LTAP1: variants seen among roughly 807,000 people sequenced by gnomAD.
LTAP1 encodes lipid transport auxiliary protein 1, also known as HCV NS5A-transactivated protein 4.
chr1:154,217,533 GGTTT>G, the LTAP1 span, among the ~76,000 whole-genome samples: 1 of 151,806 alleles, frequency 6.6e-6, no homozygotes, highest in African/African-American at 2.4e-5. Context: ...CACTCAGCAT[GGTTT>G]TTTTGTTTTT....
the LTAP1 span, chr1:154,207,702 C>G: frequency 7.1e-7 from 1 of 1,408,344 alleles, no homozygotes; most frequent in Non-Finnish European, 9.7e-7. Context: ...TCAAAGAAAT[C>G]AGGGCTTATC....
chr1:154,211,808 CTAGTAAAAACTTCTTT>C, the LTAP1 span: 2 of 154,082 alleles, frequency 1.3e-5, no homozygotes, highest in African/African-American at 2.4e-5. Flanking sequence ...AAGAAAAATG[CTAGTAAAAACTTCTTT>C]TACTAGCTTG....
chr1:154,218,427 C>G, the LTAP1 span, among the ~76,000 whole-genome samples: 1 of 152,314 alleles, frequency 6.6e-6, no homozygotes, highest in Non-Finnish European at 1.5e-5. Context: ...TCATGATGTG[C>G]TAGAAACTAA....
chr1:154,213,825 G>A, the LTAP1 span: 8 of 1,264,050 alleles, frequency 6.3e-6, no homozygotes, highest in Admixed American at 7.7e-5. Context: ...ATACAAAGTG[G>A]GTTCATTACT....
chr1:154,212,509 T>G, the LTAP1 span: 14 of 1,613,978 alleles, frequency 8.7e-6, no homozygotes, highest in African/African-American at 1.3e-5. Flanking sequence ...TATCAATGAG[T>G]GCTTTGCGTA....
At chr1:154,217,473 G>A in the LTAP1 span, among the ~76,000 whole-genome samples, 1 of 152,068 alleles carries the variant, frequency 6.6e-6, no homozygotes, top group Non-Finnish European at 1.5e-5. Context: ...TATAAATGGG[G>A]TGGAAGCACA....
At chr1:154,211,850 TTTC>T in the LTAP1 span, 1 of 161,392 alleles carries the variant, frequency 6.2e-6, no homozygotes, top group African/African-American at 2.4e-5. Context: ...TTGCATCTGC[TTTC>T]TTTTCTTCTT....
At chr1:154,214,318 A>G in the LTAP1 span, 1 of 673,242 alleles carries the variant, frequency 1.5e-6, no homozygotes, top group Non-Finnish European at 2.6e-6. Flanking sequence ...GCAAGCTAAT[A>G]AATGGGCTCT....
the LTAP1 span, chr1:154,207,202 C>A: frequency 5.1e-6 from 2 of 389,514 alleles, no homozygotes; most frequent in East Asian, 5.0e-5. Context: ...AGAATAACAC[C>A]TGAATGCAAA....
At chr1:154,213,961 A>C in the LTAP1 span, 1 of 1,611,086 alleles carries the variant, frequency 6.2e-7, no homozygotes, top group Non-Finnish European at 8.5e-7. Flanking sequence ...TGAGGAAAAG[A>C]CTGGTGTTAG....
chr1:154,207,867 C>G, the LTAP1 span, among the ~76,000 whole-genome samples: 3 of 151,870 alleles, frequency 2.0e-5, no homozygotes, highest in Admixed American at 1.3e-4. Context: ...TTGGGAGGCC[C>G]AGGCAGGTGG....
the LTAP1 span, chr1:154,214,482 T>C: frequency 6.2e-7 from 1 of 1,613,584 alleles, no homozygotes; most frequent in South Asian, 1.1e-5. Flanking sequence ...TTTCCAGTTG[T>C]AGTAGTCTAG....
At chr1:154,212,553 C>A in the LTAP1 span, 2 of 1,614,174 alleles carry the variant, frequency 1.2e-6, no homozygotes, top group African/African-American at 2.7e-5. Context: ...TTTCGCAGAT[C>A]CAGCAGGTAG....
At chr1:154,207,416 G>C in the LTAP1 span, 1 of 1,606,220 alleles carries the variant, frequency 6.2e-7, no homozygotes, top group Non-Finnish European at 8.5e-7. Context: ...CATTGCAACT[G>C]ACTGGCTTAA....
chr1:154,217,087 C>T, the LTAP1 span, among the ~76,000 whole-genome samples: 1 of 151,928 alleles, frequency 6.6e-6, no homozygotes, highest in Non-Finnish European at 1.5e-5. Context: ...GCTGGGATTA[C>T]AGGCACACAC....
chr1:154,220,233 G>T, the LTAP1 span: 4 of 1,356,382 alleles, frequency 2.9e-6, no homozygotes, highest in South Asian at 2.4e-5. Flanking sequence ...GTCAAAGCCC[G>T]GATAGGCGCA....
chr1:154,207,149 G>C, the LTAP1 span: 1 of 274,568 alleles, frequency 3.6e-6, no homozygotes, highest in East Asian at 9.9e-5. Flanking sequence ...AACTATGGCT[G>C]AAACCAAGTG....
chr1:154,220,498 C>A, the LTAP1 span: 2 of 1,417,878 alleles, frequency 1.4e-6, no homozygotes, highest in Non-Finnish European at 2.0e-6. Flanking sequence ...CGCCTGGGTC[C>A]CCTGGAGCTC....
chr1:154,214,468 T>C, the LTAP1 span: 6 of 1,610,866 alleles, frequency 3.7e-6, no homozygotes, highest in African/African-American at 1.3e-5. Flanking sequence ...TTGATTTCCC[T>C]GGGTTTCCAG....
Sources: allele counts gnomAD v4.1 joint callset (sites outside exome capture counted in the v4.1 genomes callset), GRCh38; gene constraint gnomAD v4.1.1; transcripts MANE v1.5; gene names NCBI Gene and HGNC (gene_info 2026-07-23, HGNC 2026-07-21).